The following HDAC9 variants were observed in gnomAD, a reference collection of about 807,000 sequenced individuals.
The protein encoded by HDAC9 is MEF-2 interacting transcription repressor (MITR) protein.
HDAC9 carries 41 observed loss-of-function variants against 139.4 expected under a neutral mutation model. The observed-to-expected ratio is 0.29, with a 90% confidence interval of 0.23 to 0.38. HDAC9 has a LOEUF of 0.38. Among genes scored for constraint, HDAC9 ranks in the 10% least tolerant of loss-of-function variants. The pLI, the probability that HDAC9 is intolerant of heterozygous loss-of-function variation, is 1.00. For synonymous variants in HDAC9, 517 were observed against 476.2 expected, an observed-to-expected ratio of 1.09 and a Z score of -1.12; for missense variants, 1,147 against 1,297.0, an observed-to-expected ratio of 0.88 and a Z score of 1.78.
chr7:18,260,307 TTTTG>T (rs1296634333), intron 2 of HDAC9, among the ~76,000 whole-genome samples: 33 of 120,164 alleles, frequency 2.7e-4, no homozygotes, highest in African/African-American at 6.8e-4. Context: ...AGACACTTTT[TTTTG>T]TTTTTTTTTT....
chr7:18,284,856 T>C (rs903663805), intron 2 of HDAC9, among the ~76,000 whole-genome samples: 5 of 152,164 alleles, frequency 3.3e-5, no homozygotes, highest in African/African-American at 1.2e-4. Flanking sequence ...AAATTCATTT[T>C]GCTATAAGTC....
intron 1 of HDAC9, among the ~76,000 whole-genome samples, chr7:18,139,397 G>A (rs1785718536): frequency 6.6e-6 from 1 of 152,142 alleles, no homozygotes; most frequent in African/African-American, 2.4e-5. Flanking sequence ...AAAGTGTTGG[G>A]ACTACAGGTG....
intron 2 of HDAC9, chr7:18,578,158 A>C (rs751301782): frequency 1.9e-6 from 1 of 518,970 alleles, no homozygotes; most frequent in South Asian, 1.4e-5. Flanking sequence ...GGAGCCAGAG[A>C]AACAAGATGG....
chr7:18,590,761 G>A (rs967848173), intron 4 of HDAC9, among the ~76,000 whole-genome samples: 6 of 152,104 alleles, frequency 3.9e-5, no homozygotes, highest in Admixed American at 2.6e-4. Context: ...TAATTCTAAA[G>A]CAGTCTAATA....
chr7:18,676,533 A>G (rs1228373013), intron 12 of HDAC9, among the ~76,000 whole-genome samples: 1 of 151,970 alleles, frequency 6.6e-6, no homozygotes, highest in Non-Finnish European at 1.5e-5. Context: ...AGCATCTTAG[A>G]TATATTTTGG....
chr7:18,409,709 T>C (rs943658238), intron 1 of HDAC9, among the ~76,000 whole-genome samples: 6 of 152,220 alleles, frequency 3.9e-5, no homozygotes, highest in Non-Finnish European at 7.3e-5. Context: ...ACATATACTG[T>C]GGCTAGTGAT....
intron 1 of HDAC9, among the ~76,000 whole-genome samples, chr7:18,445,939 G>A (rs1792253665): frequency 6.6e-6 from 1 of 152,184 alleles, no homozygotes; most frequent in African/African-American, 2.4e-5. Context: ...TCTTAGGATT[G>A]TGCGTGAGCT....
At chr7:18,882,369 A>G (rs1799801807) in intron 22 of HDAC9, among the ~76,000 whole-genome samples, 1 of 152,098 alleles carries the variant, frequency 6.6e-6, no homozygotes. Flanking sequence ...GTATTCAGGG[A>G]AGTCATGGTC....
In HDAC9 at chr7:18,548,330, G is replaced by GA. The variant is rs147554918; in HGVS notation, c.23-36943dup. On this transcript the variant is annotated intron_variant, in intron 2 of 25. Transcript: ENST00000686413. ...TTACCCTAACAGATATAATAATAAT[G>GA]AAAAAAAATTGAACTATTGCAAGAA... Among the ~76,000 whole-genome samples the GA allele has an allele frequency of 8.9e-3, 1,346 of 151,830 alleles. 24 individuals are homozygous for GA. The highest frequency in any genetic ancestry group is 0.031 in the African/African-American group (1,290 of 41,388).
intron 1 of HDAC9, among the ~76,000 whole-genome samples, chr7:18,103,082 A>T (rs564510153): frequency 6.6e-6 from 1 of 152,178 alleles, no homozygotes; most frequent in Non-Finnish European, 1.5e-5. Context: ...GTGGAAGGCA[A>T]AGGAGCAAAG....
chr7:18,128,543 C>G (rs1784815142), intron 1 of HDAC9, among the ~76,000 whole-genome samples: 2 of 152,040 alleles, frequency 1.3e-5, no homozygotes, highest in Admixed American at 1.3e-4. Context: ...CTTCTCAGGA[C>G]ACCTTAGGGT....
At chr7:18,207,384 T>C (rs569362009) in intron 2 of HDAC9, among the ~76,000 whole-genome samples, 3 of 152,028 alleles carry the variant, frequency 2.0e-5, no homozygotes, top group Admixed American at 6.5e-5. Context: ...ATCCATGCAA[T>C]TTTGTTTTGA....
intron 9 of HDAC9, among the ~76,000 whole-genome samples, chr7:18,646,056 G>T (rs547836553): frequency 1.3e-4 from 19 of 151,264 alleles, no homozygotes; most frequent in Non-Finnish European, 2.5e-4. Context: ...ATTTGTAAAT[G>T]AAAAACAAAA....
rs116265810 is a variant in HDAC9 at position 18,233,943 on chromosome 7, T to G, written c.25+71594T>G. On this transcript the variant is annotated intron_variant, in intron 2 of 12. Transcript: ENST00000417496. ...GTTTTTTTTTTTCTTAAGTTTGGTC[T>G]TCATTTTATATAGTCATCTGCATCA... Among the ~76,000 whole-genome samples, 948 of 152,284 alleles carry G rather than the reference T, an allele frequency of 6.2e-3. 13 individuals are homozygous for G. The highest frequency in any genetic ancestry group is 0.022 in the African/African-American group (922 of 41,546).
chr7:18,543,212 A>T (rs1021753957), intron 2 of HDAC9: 1 of 152,152 alleles, frequency 6.6e-6, no homozygotes, highest in African/African-American at 2.4e-5. Context: ...AGAGATTCTG[A>T]TACATCATAA....
chr7:18,251,703 A>T, intron 2 of HDAC9, among the ~76,000 whole-genome samples: 1 of 152,126 alleles, frequency 6.6e-6, no homozygotes. Context: ...AAGATGGACA[A>T]CCTTTAATCT....
At chr7:18,126,691 A>C (rs1784693048) in intron 1 of HDAC9, among the ~76,000 whole-genome samples, 1 of 152,070 alleles carries the variant, frequency 6.6e-6, no homozygotes, top group South Asian at 2.1e-4. Flanking sequence ...AATTTAGTTT[A>C]TTGGCCACAG....
In HDAC9 at chr7:18,878,815, A is replaced by G. The variant is rs546747954; in HGVS notation, c.2803+4219A>G. ...CACTTTAGAAATCCTAGCCAGAGCA[A>G]TCAGGCAAGAGAAGGAAATAAAGGG... On this transcript the variant is annotated intron_variant, in intron 22 of 25. Transcript: ENST00000686413. 5.3e-5 allele frequency among the ~76,000 whole-genome samples: 8 copies of G among 151,662 alleles called. 2 individuals carry two copies. The highest frequency in any genetic ancestry group is 2.0e-4 in the African/African-American group (8 of 40,994).
intron 21 of HDAC9, among the ~76,000 whole-genome samples, chr7:18,837,126 A>G (rs1389175901): frequency 6.6e-6 from 1 of 151,904 alleles, no homozygotes; most frequent in African/African-American, 2.4e-5. Flanking sequence ...TATTTAAAAA[A>G]TACATTTAAA....
Sources: gnomAD v4.1 joint callset for allele counts (sites outside exome capture counted in the v4.1 genomes callset) on GRCh38, gnomAD v4.1.1 for gene constraint, MANE v1.5 for transcripts, NCBI Gene and HGNC (gene_info 2026-07-23, HGNC 2026-07-21) for gene names.